Variants in SNTG2 observed in about 807,000 individuals in gnomAD.
SNTG2 encodes the protein gamma-2-syntrophin.
SNTG2 carries 74 observed loss-of-function variants against 70.9 expected under a neutral mutation model. The observed-to-expected ratio is 1.04, with a 90% CI of 0.86 to 1.27. SNTG2 has a LOEUF of 1.27. Ranked by LOEUF, SNTG2 falls within the 50% of genes most tolerant of loss-of-function variation. The pLI is 0.00. For missense variants in SNTG2, 717 were observed against 690.7 expected (o/e 1.04, Z -0.43); for synonymous variants, 278 against 273.8 (o/e 1.02, Z -0.15).
chr2:1,045,254 C>G (rs970602115), intron 1 of SNTG2, among the ~76,000 whole-genome samples: 3 of 151,648 alleles, frequency 2.0e-5, no homozygotes, highest in African/African-American at 7.3e-5. Flanking sequence ...TTAGTCATTT[C>G]TGATTGTGTT....
chr2:1,083,754 C>T, intron 2 of SNTG2, 99 bp downstream of exon 2: 1 of 1,362,044 alleles, frequency 7.3e-7, no homozygotes, highest in Non-Finnish European at 1.0e-6. Flanking sequence ...TGAGCAAAAG[C>T]TGCTACTCGT....
intron 1 of SNTG2, among the ~76,000 whole-genome samples, chr2:991,384 C>CACACACAT (rs1415689779): frequency 7.5e-6 from 1 of 133,378 alleles, no homozygotes; most frequent in African/African-American, 2.8e-5. Flanking sequence ...CACACACACA[C>CACACACAT]ACACACACAC....
chr2:1,193,365 C>T (rs911315393), intron 8 of SNTG2, among the ~76,000 whole-genome samples: 9 of 152,198 alleles, frequency 5.9e-5, no homozygotes, highest in African/African-American at 2.2e-4. Context: ...CCGCTCACCA[C>T]CTGATGAAAA....
intron 14 of SNTG2, among the ~76,000 whole-genome samples, chr2:1,287,207 T>G (rs75545495): frequency 6.6e-6 from 1 of 152,218 alleles, no homozygotes; most frequent in Non-Finnish European, 1.5e-5. Context: ...GTTATCCACA[T>G]TTAAGGAATG....
chr2:1,335,117 T>C (rs1248229403), intron 16 of SNTG2, among the ~76,000 whole-genome samples: 3 of 152,226 alleles, frequency 2.0e-5, no homozygotes, highest in African/African-American at 7.2e-5. Flanking sequence ...GCCCAGCCAC[T>C]GTGACCCTAA....
At chr2:1,109,850 A>C (rs139418920) in intron 4 of SNTG2, among the ~76,000 whole-genome samples, 2 of 152,330 alleles carry the variant, frequency 1.3e-5, no homozygotes, top group East Asian at 3.9e-4. Context: ...AAATACTCAG[A>C]AAATTGCACA....
intron 4 of SNTG2, among the ~76,000 whole-genome samples, chr2:1,116,764 GC>G (rs1667018887): frequency 6.7e-6 from 1 of 149,278 alleles, no homozygotes; most frequent in Non-Finnish European, 1.5e-5. Context: ...GTGTGTCAGT[GC>G]CCTGGTGTGT....
intron 9 of SNTG2, among the ~76,000 whole-genome samples, chr2:1,213,180 A>C (rs1354265642): frequency 6.6e-6 from 1 of 152,216 alleles, no homozygotes; most frequent in East Asian, 1.9e-4. Flanking sequence ...AAATCAAGCT[A>C]CTTGGCATGT....
At chr2:1,041,895 T>C (rs4246557) in intron 1 of SNTG2, among the ~76,000 whole-genome samples, 128,509 of 152,142 alleles carry the variant, frequency 0.84, 54,679 homozygotes, top group Middle Eastern at 0.89. Context: ...GGGGCTGATT[T>C]GGGGTCCTCT....
chr2:1,045,487 G>A (rs1458983008), intron 1 of SNTG2, among the ~76,000 whole-genome samples: 1 of 151,808 alleles, frequency 6.6e-6, no homozygotes, highest in Non-Finnish European at 1.5e-5. Flanking sequence ...CTTACTGTGA[G>A]GTCTTTCTAA....
chr2:1,120,021 T>A (rs1417248991), intron 4 of SNTG2, among the ~76,000 whole-genome samples: 2 of 152,218 alleles, frequency 1.3e-5, no homozygotes, highest in East Asian at 3.9e-4. Flanking sequence ...TCTCTATCAA[T>A]AAACACCTTG....
intron 14 of SNTG2, among the ~76,000 whole-genome samples, chr2:1,268,014 C>T (rs991496459): frequency 6.6e-6 from 1 of 152,150 alleles, no homozygotes; most frequent in African/African-American, 2.4e-5. Context: ...CTTGATGGTC[C>T]GAAGGAGAAT....
At chr2:1,155,112 C>T (rs574073203) in intron 6 of SNTG2, among the ~76,000 whole-genome samples, 1 of 150,538 alleles carries the variant, frequency 6.6e-6, no homozygotes, top group South Asian at 2.1e-4. Context: ...ACACATAACA[C>T]CCACATATAC....
chr2:1,081,822 T>C (rs1664317591), intron 1 of SNTG2, among the ~76,000 whole-genome samples: 1 of 152,204 alleles, frequency 6.6e-6, no homozygotes, highest in South Asian at 2.1e-4. Flanking sequence ...AAGAAACCAT[T>C]AGAGTTCCCA....
At chr2:1,218,683 A>G (rs1334696988) in intron 9 of SNTG2, among the ~76,000 whole-genome samples, 2 of 152,226 alleles carry the variant, frequency 1.3e-5, no homozygotes, top group African/African-American at 2.4e-5. Context: ...GAAAAGAGGA[A>G]GAGCTGTGGT....
chr2:1,338,684 A>G (rs1659937719), intron 16 of SNTG2, among the ~76,000 whole-genome samples: 2 of 152,132 alleles, frequency 1.3e-5, no homozygotes, highest in African/African-American at 4.8e-5. Flanking sequence ...AGGTCCATCC[A>G]TGTTGGAATA....
At chr2:1,314,535 G>C (rs2148260511) in intron 15 of SNTG2, among the ~76,000 whole-genome samples, 1 of 152,314 alleles carries the variant, frequency 6.6e-6, no homozygotes, top group African/African-American at 2.4e-5. Flanking sequence ...TCCCTCACTG[G>C]GACAGGCCCT....
intron 8 of SNTG2, among the ~76,000 whole-genome samples, chr2:1,200,957 G>T (rs941596336): frequency 6.6e-6 from 1 of 151,930 alleles, no homozygotes; most frequent in African/African-American, 2.4e-5. Flanking sequence ...AGAAATGTAC[G>T]TTAGTACAAC....
At chr2:1,064,757 G>C (rs923476178) in intron 1 of SNTG2, among the ~76,000 whole-genome samples, 2 of 152,014 alleles carry the variant, frequency 1.3e-5, no homozygotes, top group Non-Finnish European at 2.9e-5. Context: ...CAGAAAAGAA[G>C]AACAAAGAAT....
Sources: gnomAD v4.1 joint callset for allele counts (sites outside exome capture counted in the v4.1 genomes callset) on GRCh38, gnomAD v4.1.1 for gene constraint, MANE v1.5 for transcripts, NCBI Gene and HGNC (gene_info 2026-07-23, HGNC 2026-07-21) for gene names.